SCFD2: variants seen among roughly 807,000 people sequenced by gnomAD.
SCFD2 encodes the protein sec1 family domain-containing protein 2.
Under a neutral mutation model 58.9 loss-of-function variants are expected in SCFD2, and 54 were observed. The observed-to-expected ratio is 0.92, with a 90% confidence interval of 0.74 to 1.15. SCFD2 has a LOEUF of 1.15. Ranked by LOEUF, SCFD2 falls within the 50% of genes most tolerant of loss-of-function variation. The pLI, the probability that SCFD2 is intolerant of heterozygous loss-of-function variation, is 0.00. For missense variants in SCFD2, 805 were observed against 836.6 expected, an observed-to-expected ratio of 0.96 and a Z score of 0.47; for synonymous variants, 321 against 335.9, an observed-to-expected ratio of 0.96 and a Z score of 0.49.
chr4:53,076,848 C>A (rs1723991867), intron 5 of SCFD2, among the ~76,000 whole-genome samples: 1 of 152,170 alleles, frequency 6.6e-6, no homozygotes, highest in African/African-American at 2.4e-5. Context: ...CAAATTATTT[C>A]TTCATTCAAC....
At chr4:53,200,281 CAG>C (rs754113427) in intron 4 of SCFD2, among the ~76,000 whole-genome samples, 1 of 151,972 alleles carries the variant, frequency 6.6e-6, no homozygotes, top group African/African-American at 2.4e-5. Context: ...ATATAAGAAA[CAG>C]AGTCATTGCA....
At chr4:53,229,608 A>C (rs1729360002) in intron 4 of SCFD2, among the ~76,000 whole-genome samples, 1 of 152,224 alleles carries the variant, frequency 6.6e-6, no homozygotes, top group Non-Finnish European at 1.5e-5. Context: ...TACACCTTAT[A>C]CAAAAATTAA....
intron 4 of SCFD2, among the ~76,000 whole-genome samples, chr4:53,241,144 C>T (rs1294977894): frequency 1.3e-5 from 2 of 152,198 alleles, no homozygotes; most frequent in Non-Finnish European, 2.9e-5. Flanking sequence ...TCACCATAGG[C>T]TTCTGGAATC....
At chr4:53,007,107 CCT>C (rs1721985534) in intron 5 of SCFD2, among the ~76,000 whole-genome samples, 1 of 151,676 alleles carries the variant, frequency 6.6e-6, no homozygotes, top group Admixed American at 6.6e-5. Flanking sequence ...GTAATGAGAC[CCT>C]GTCTCTAAAA....
chr4:52,937,648 T>C (rs1404986038), intron 5 of SCFD2, among the ~76,000 whole-genome samples: 2 of 152,194 alleles, frequency 1.3e-5, no homozygotes, highest in African/African-American at 2.4e-5. Context: ...AGCTATAGCA[T>C]GGCTTCATTG....
chr4:52,992,632 C>T (rs1436847392), intron 5 of SCFD2, among the ~76,000 whole-genome samples: 2 of 151,402 alleles, frequency 1.3e-5, no homozygotes, highest in Non-Finnish European at 2.9e-5. Flanking sequence ...AGTGCCTCTG[C>T]CCCGCCACCC....
chr4:53,288,632 T>C (rs996105161), intron 3 of SCFD2, among the ~76,000 whole-genome samples: 1 of 152,120 alleles, frequency 6.6e-6, no homozygotes, highest in Non-Finnish European at 1.5e-5. Context: ...AAACCGTTAG[T>C]GAAGAATACT....
chr4:52,919,747 C>T (rs577150033), intron 6 of SCFD2, among the ~76,000 whole-genome samples: 2 of 152,290 alleles, frequency 1.3e-5, no homozygotes, highest in African/African-American at 4.8e-5. Context: ...TGTAGAAGTG[C>T]TCTTCAGGTA....
intron 5 of SCFD2, among the ~76,000 whole-genome samples, chr4:53,085,902 G>T (rs1055205927): frequency 8.5e-5 from 13 of 152,196 alleles, no homozygotes; most frequent in African/African-American, 2.6e-4. Context: ...ATGGATTAAA[G>T]ACATAAATAT....
intron 4 of SCFD2, among the ~76,000 whole-genome samples, chr4:53,235,987 CT>C (rs377198993): frequency 6.6e-6 from 1 of 152,150 alleles, no homozygotes; most frequent in East Asian, 1.9e-4. Flanking sequence ...ACAGTAGAAA[CT>C]TTGTATTCTG....
intron 2 of SCFD2, among the ~76,000 whole-genome samples, chr4:53,316,204 A>G (rs927400389): frequency 1.3e-5 from 2 of 152,180 alleles, no homozygotes; most frequent in Non-Finnish European, 1.5e-5. Flanking sequence ...CAGCTGACTT[A>G]TTATGTTTCC....
chr4:53,243,870 T>C (rs749920326), intron 4 of SCFD2, among the ~76,000 whole-genome samples: 3 of 152,078 alleles, frequency 2.0e-5, no homozygotes, highest in Non-Finnish European at 2.9e-5. Flanking sequence ...ACAGACTTCA[T>C]TTGTTTGTTT....
chr4:53,114,618 GAAAAC>G (rs1725268481), intron 5 of SCFD2, among the ~76,000 whole-genome samples: 1 of 152,032 alleles, frequency 6.6e-6, no homozygotes, highest in East Asian at 1.9e-4. Context: ...TACATTCAAT[GAAAAC>G]ATTTTTCAGA....
intron 5 of SCFD2, among the ~76,000 whole-genome samples, chr4:53,000,228 T>G (rs1721833247): frequency 6.6e-6 from 1 of 152,210 alleles, no homozygotes; most frequent in Non-Finnish European, 1.5e-5. Flanking sequence ...AAAAGCCTCG[T>G]ACCTGGAACG....
intron 4 of SCFD2, among the ~76,000 whole-genome samples, chr4:53,237,999 G>GA (rs1729717138): frequency 9.6e-6 from 1 of 104,614 alleles, no homozygotes; most frequent in Non-Finnish European, 2.2e-5. Flanking sequence ...TGGCCGGGCA[G>GA]GGGGCTGATC....
At chr4:53,155,140 G>A (rs1726638301) in intron 4 of SCFD2, among the ~76,000 whole-genome samples, 1 of 152,246 alleles carries the variant, frequency 6.6e-6, no homozygotes, top group African/African-American at 2.4e-5. Flanking sequence ...GGTAGGGCCT[G>A]AGAAGTTCTG....
intron 5 of SCFD2, among the ~76,000 whole-genome samples, chr4:52,959,913 C>T (rs1720805821): frequency 6.6e-6 from 1 of 151,892 alleles, no homozygotes; most frequent in South Asian, 2.1e-4. Flanking sequence ...CACACACACA[C>T]ACACACACAC....
At chr4:53,105,833 T>C (rs1391861810) in intron 5 of SCFD2, among the ~76,000 whole-genome samples, 1 of 152,166 alleles carries the variant, frequency 6.6e-6, no homozygotes, top group African/African-American at 2.4e-5. Flanking sequence ...GTGCTCGTGC[T>C]CTGCTAAGGG....
chr4:53,012,995 A>T (rs1456710530), intron 5 of SCFD2, among the ~76,000 whole-genome samples: 1 of 152,104 alleles, frequency 6.6e-6, no homozygotes, highest in Non-Finnish European at 1.5e-5. Context: ...ACTCCACCAC[A>T]CTTCCACTGT....
Sources: allele counts gnomAD v4.1 joint callset (sites outside exome capture counted in the v4.1 genomes callset), GRCh38; gene constraint gnomAD v4.1.1; transcripts MANE v1.5; gene names NCBI Gene and HGNC (gene_info 2026-07-23, HGNC 2026-07-21).